IGF1R: variants seen among roughly 807,000 people sequenced by gnomAD.
IGF1R encodes insulin like growth factor 1 receptor.
IGF1R carries 44 observed loss-of-function variants against 144.6 expected under a neutral mutation model. The observed-to-expected ratio is 0.30, with a 90% confidence interval of 0.24 to 0.39. The LOEUF (loss-of-function observed/expected upper bound fraction) is 0.39. IGF1R is among the 10% of genes least tolerant of loss of function. IGF1R has a pLI of 1.00. For synonymous variants in IGF1R, 795 were observed against 722.8 expected, an observed-to-expected ratio of 1.10 and a Z score of -1.60; for missense variants, 1,355 against 1,833.7, an observed-to-expected ratio of 0.74 and a Z score of 4.77.
chr15:98,776,386 A>G (rs1365149618), intron 2 of IGF1R, among the ~76,000 whole-genome samples: 1 of 152,078 alleles, frequency 6.6e-6, no homozygotes, highest in East Asian at 1.9e-4. Flanking sequence ...GGGTTTTGCC[A>G]TGTTGGCCAG....
chr15:98,800,574 C>T (rs563997874), intron 2 of IGF1R, among the ~76,000 whole-genome samples: 5 of 152,274 alleles, frequency 3.3e-5, no homozygotes, highest in African/African-American at 9.6e-5. Flanking sequence ...TTTAATAACA[C>T]GCTGGGTGTT....
intron 19 of IGF1R, among the ~76,000 whole-genome samples, chr15:98,946,481 G>C (rs2016559166): frequency 6.6e-6 from 1 of 152,160 alleles, no homozygotes; most frequent in South Asian, 2.1e-4. Context: ...GAGAGGTGGT[G>C]GTGGGCCAGG....
At chr15:98,937,168 G>T (rs1020190545) in intron 17 of IGF1R, among the ~76,000 whole-genome samples, 1 of 152,188 alleles carries the variant, frequency 6.6e-6, no homozygotes, top group Non-Finnish European at 1.5e-5. Flanking sequence ...TTACAGGTGT[G>T]AGCCGCTGCG....
chr15:98,901,271 T>C (rs2014468929), intron 5 of IGF1R, among the ~76,000 whole-genome samples: 1 of 152,234 alleles, frequency 6.6e-6, no homozygotes, highest in Admixed American at 6.5e-5. Flanking sequence ...TTTTCCCTGC[T>C]GCTGCTGCTC....
At chr15:98,749,969 T>C (rs996386143) in intron 2 of IGF1R, among the ~76,000 whole-genome samples, 2 of 152,124 alleles carry the variant, frequency 1.3e-5, no homozygotes, top group African/African-American at 2.4e-5. Flanking sequence ...AACAAAGATA[T>C]TTGCTCGACT....
At chr15:98,676,183 C>T (rs1378484494) in intron 1 of IGF1R, among the ~76,000 whole-genome samples, 1 of 152,030 alleles carries the variant, frequency 6.6e-6, no homozygotes, top group South Asian at 2.1e-4. Flanking sequence ...CTCTGTTGCC[C>T]AAGCTGGAGT....
intron 2 of IGF1R, among the ~76,000 whole-genome samples, chr15:98,792,784 T>C (rs1361300053): frequency 1.3e-5 from 2 of 152,236 alleles, no homozygotes; most frequent in East Asian, 3.8e-4. Context: ...GGATATTTTG[T>C]ACTGATACTC....
intron 13 of IGF1R, among the ~76,000 whole-genome samples, chr15:98,927,765 A>G (rs2015777830): frequency 6.6e-6 from 1 of 152,236 alleles, no homozygotes; most frequent in Admixed American, 6.5e-5. Flanking sequence ...AAAAATTAAA[A>G]TAGCTGTAGT....
intron 20 of IGF1R, among the ~76,000 whole-genome samples, chr15:98,952,515 G>A (rs1023270476): frequency 6.6e-6 from 1 of 152,204 alleles, no homozygotes; most frequent in African/African-American, 2.4e-5. Context: ...AGAACTGGTG[G>A]TATTTTAGCA....
chr15:98,742,448 G>A (rs1567105780), intron 2 of IGF1R, among the ~76,000 whole-genome samples: 2 of 152,136 alleles, frequency 1.3e-5, no homozygotes, highest in Non-Finnish European at 2.9e-5. Flanking sequence ...GACGAGGGCT[G>A]GGGCTGCTCC....
intron 2 of IGF1R, among the ~76,000 whole-genome samples, chr15:98,751,071 G>A (rs576271500): frequency 4.4e-4 from 67 of 152,290 alleles, no homozygotes; most frequent in African/African-American, 1.3e-3. Context: ...GATTACAGGC[G>A]TGAGCCATCA....
At chr15:98,922,808 T>C (rs2015547716) in intron 11 of IGF1R, among the ~76,000 whole-genome samples, 1 of 152,378 alleles carries the variant, frequency 6.6e-6, no homozygotes, top group African/African-American at 2.4e-5. Flanking sequence ...CTCCAGTTAG[T>C]TGCCTTGATC....
In IGF1R at chr15:98,910,821, G is replaced by C. The variant is rs575396080; in HGVS notation, c.1463-494G>C. ...TGATACCAAGTTTAGACCAAGAAAA[G>C]TTCCTTTCTGTGGCACACCTGTAGT... On this transcript the variant is annotated intron_variant, in intron 6 of 20. Coordinates refer to ENST00000650285, the MANE Select transcript of IGF1R (RefSeq NM_000875.5). 2.0e-5 allele frequency among the ~76,000 whole-genome samples: 3 copies of C among 152,332 alleles called. No individual in the cohort carries two copies. In the East Asian group the frequency reaches 5.8e-4, roughly 29 times the overall value.
At chr15:98,679,351 T>A (rs1412242894) in intron 1 of IGF1R, among the ~76,000 whole-genome samples, 2 of 152,238 alleles carry the variant, frequency 1.3e-5, no homozygotes, top group Non-Finnish European at 2.9e-5. Flanking sequence ...CTTTTCTCTC[T>A]TAATCTTGAT....
chr15:98,841,058 G>A (rs1318120441), intron 2 of IGF1R, among the ~76,000 whole-genome samples: 2 of 151,984 alleles, frequency 1.3e-5, no homozygotes, highest in Non-Finnish European at 1.5e-5. Flanking sequence ...ACCGCATCTG[G>A]TCTCTAAGTT....
intron 10 of IGF1R, among the ~76,000 whole-genome samples, chr15:98,917,281 C>G (rs1327168579): frequency 1.3e-5 from 2 of 152,172 alleles, no homozygotes; most frequent in African/African-American, 4.8e-5. Flanking sequence ...CTCTCAGCCT[C>G]ACAGAGGAGG....
intron 1 of IGF1R, among the ~76,000 whole-genome samples, chr15:98,652,257 T>C (rs2052387013): frequency 6.6e-6 from 1 of 152,270 alleles, no homozygotes; most frequent in Admixed American, 6.5e-5. Context: ...ATCTGAGGGC[T>C]ATTTTGTTTT....
chr15:98,788,433 A>T (rs1435154173), intron 2 of IGF1R, among the ~76,000 whole-genome samples: 1 of 152,228 alleles, frequency 6.6e-6, no homozygotes, highest in African/African-American at 2.4e-5. Context: ...GCTAAGTCAC[A>T]GGCTTCCTTC....
intron 2 of IGF1R, among the ~76,000 whole-genome samples, chr15:98,753,375 C>G (rs1291766583): frequency 2.8e-5 from 4 of 141,648 alleles, no homozygotes; most frequent in Non-Finnish European, 6.1e-5. Context: ...CACCACCATA[C>G]CTGGCTTTTT....
Sources: gnomAD v4.1 joint callset for allele counts (sites outside exome capture counted in the v4.1 genomes callset) on GRCh38, gnomAD v4.1.1 for gene constraint, MANE v1.5 for transcripts, NCBI Gene and HGNC (gene_info 2026-07-23, HGNC 2026-07-21) for gene names.